WNK1: variants seen among roughly 807,000 people sequenced by gnomAD.
WNK1 encodes serine/threonine-protein kinase WNK1.
Under a neutral mutation model 222.8 loss-of-function variants are expected in WNK1, and 38 were observed. The observed-to-expected ratio is 0.17, with a 90% CI of 0.13 to 0.22. The LOEUF (loss-of-function observed/expected upper bound fraction) is 0.22, where lower values mean the gene tolerates loss of function less well. Ranked by LOEUF, WNK1 falls within the 10% of genes least tolerant of loss-of-function variation. The pLI is 1.00. For synonymous variants in WNK1, 1,090 were observed against 1,092.9 expected (o/e 1.00, Z 0.05); for missense variants, 2,348 against 2,918.4 (o/e 0.80, Z 4.50).
rs879113303 is a variant in WNK1, at chr12:911,171, TTTAAA to T, written c.*2383_*2387del. 1.2e-4 allele frequency: 46 copies of T among 397,292 alleles called. No individual in the cohort carries two copies. Among genetic ancestry groups the T allele is most frequent in the South Asian group, 5.5e-4 (4 of 7,282 alleles). 24.6% of individuals were successfully genotyped at this position (397,292 alleles called of 1,614,324 possible). ...GGAATGAACTAGTGCTACTGAACTG[TTTAAA>T]TTATTTTTGTGTTAATAGTACACTT... On this transcript the variant is annotated 3_prime_UTR_variant, in exon 28 of 28. Coordinates refer to ENST00000315939, the MANE Select transcript of WNK1 (RefSeq NM_018979.4).
intron 21 of WNK1, among the ~76,000 whole-genome samples, chr12:889,646 A>G (rs566819551): frequency 7.2e-5 from 11 of 152,142 alleles, no homozygotes; most frequent in South Asian, 2.1e-4. Context: ...GTGAAACCCC[A>G]TCTCTAGTAA....
At chr12:897,355 T>G in intron 24 of WNK1, 124 bp from the exon 25 acceptor site, 2 of 739,030 alleles carry the variant, frequency 2.7e-6, no homozygotes, top group Non-Finnish European at 4.8e-6. Context: ...TGGTAGTACA[T>G]TTGGGGAAAA....
At chr12:774,407 T>G (rs1429163001) in intron 1 of WNK1, among the ~76,000 whole-genome samples, 3 of 152,170 alleles carry the variant, frequency 2.0e-5, no homozygotes, top group East Asian at 1.9e-4. Context: ...GGCCTGGACT[T>G]TCTCAGACAG....
intron 7 of WNK1, among the ~76,000 whole-genome samples, chr12:861,668 A>T (rs1951229119): frequency 6.6e-6 from 1 of 152,230 alleles, no homozygotes; most frequent in South Asian, 2.1e-4. Context: ...AAGCTTGGCT[A>T]CTAAAATTGA....
At chr12:867,754 TA>T in intron 8 of WNK1, 1 of 1,147,168 alleles carries the variant, frequency 8.7e-7, no homozygotes, top group Admixed American at 2.2e-5. Flanking sequence ...TTATTAATTA[TA>T]AATTTAGTGT....
At position 803,904 on chromosome 12, in the gene WNK1, G is replaced by A. The variant is rs190367759; in HGVS notation, c.760-9738G>A. Among the ~76,000 whole-genome samples, 5 of 152,266 alleles carry A rather than the reference G, an allele frequency of 3.3e-5. No homozygotes were observed. The East Asian group carries it at 9.6e-4, about 29-fold the overall frequency. On this transcript the variant is annotated intron_variant, in intron 1 of 27. Transcript: ENST00000315939. ...AGTAATATGCTAAAACCAATCCATTGAGTGAAATGACAATTGGATTAAATT... is the reference window on the plus strand; with the variant it reads ...AGTAATATGCTAAAACCAATCCATTAAGTGAAATGACAATTGGATTAAATT...
chr12:785,883 G>C (rs116650667), intron 1 of WNK1, among the ~76,000 whole-genome samples: 2 of 152,050 alleles, frequency 1.3e-5, no homozygotes, highest in African/African-American at 2.4e-5. Context: ...AAATAAATGC[G>C]GTTTGCTGAT....
At chr12:816,534 C>G (rs781207609) in intron 2 of WNK1, among the ~76,000 whole-genome samples, 1 of 152,064 alleles carries the variant, frequency 6.6e-6, no homozygotes, top group African/African-American at 2.4e-5. Flanking sequence ...GGCCTCATCC[C>G]GATTTGACCT....
At chr12:767,843 A>G (rs1941964780) in intron 1 of WNK1, among the ~76,000 whole-genome samples, 1 of 152,056 alleles carries the variant, frequency 6.6e-6, no homozygotes, top group Non-Finnish European at 1.5e-5. Context: ...CTCCCTTCCT[A>G]ATTGATAGAG....
At chr12:887,153 T>A in intron 19 of WNK1, 68 bp from the exon 20 acceptor site, 2 of 1,358,554 alleles carry the variant, frequency 1.5e-6, no homozygotes, top group South Asian at 2.3e-5. Flanking sequence ...ATTAGTTGAT[T>A]TGCTCTTCAG....
intron 1 of WNK1, among the ~76,000 whole-genome samples, chr12:772,033 A>G (rs547059257): frequency 8.8e-4 from 134 of 152,124 alleles, no homozygotes; most frequent in Admixed American, 2.0e-3. Context: ...TTTGATTTTG[A>G]CTAAATTATC....
chr12:904,487 G>A (rs1384675473), intron 26 of WNK1: 63 of 1,288,968 alleles, frequency 4.9e-5, no homozygotes, highest in Non-Finnish European at 6.3e-5. Flanking sequence ...CTTGCAACCA[G>A]CTCTGTAGTA....
intron 5 of WNK1, among the ~76,000 whole-genome samples, chr12:857,671 G>T (rs1592042416): frequency 1.3e-5 from 2 of 152,170 alleles, no homozygotes; most frequent in Admixed American, 1.3e-4. Flanking sequence ...CCGTCCTTAC[G>T]CCAGAATTGA....
At chr12:873,498 A>G (rs947408985) in intron 9 of WNK1, among the ~76,000 whole-genome samples, 4 of 152,166 alleles carry the variant, frequency 2.6e-5, no homozygotes, top group African/African-American at 9.7e-5. Flanking sequence ...TGAGCCCTCG[A>G]TATATATAGG....
rs2121040064 is a variant in WNK1 at position 754,105 on chromosome 12, G to A, written c.540G>A (p.Pro180=). 2 of 1,611,730 alleles carry A rather than the reference G, an allele frequency of 1.2e-6. No individual in the cohort carries two copies. Among genetic ancestry groups the A allele is most frequent in the Non-Finnish European group, 8.5e-7 (1 of 1,179,672 alleles). ...TGGGGAGCAAAGAGGAGCCGCCGCCGGCGAGAAGTGGCAGCGGCGGCGGCA... is the reference window on the plus strand; with the variant it reads ...TGGGGAGCAAAGAGGAGCCGCCGCCAGCGAGAAGTGGCAGCGGCGGCGGCA... The part of the protein sequence containing the change: ...SLVGSKEEPP[P]ARSGSGGGSA... Residue 180 remains proline (P), a synonymous_variant, in exon 1 of 28, where the codon CCG becomes CCA. Coordinates refer to ENST00000315939, the MANE Select transcript of WNK1 (RefSeq NM_018979.4).
At chr12:779,454 G>C (rs1943462198) in intron 1 of WNK1, among the ~76,000 whole-genome samples, 1 of 148,954 alleles carries the variant, frequency 6.7e-6, no homozygotes. Flanking sequence ...GCCCGGGCTG[G>C]AGTGCAGTGG....
chr12:769,441 A>T (rs1942198765), intron 1 of WNK1, among the ~76,000 whole-genome samples: 1 of 152,206 alleles, frequency 6.6e-6, no homozygotes, highest in Admixed American at 6.5e-5. Flanking sequence ...ACCTCAAGTG[A>T]TCTTCCCGTC....
intron 9 of WNK1, among the ~76,000 whole-genome samples, chr12:872,000 C>T (rs1952195727): frequency 6.6e-6 from 1 of 152,200 alleles, no homozygotes; most frequent in East Asian, 1.9e-4. Flanking sequence ...CTTCATTGTG[C>T]TTGCCTCTAC....
intron 8 of WNK1, among the ~76,000 whole-genome samples, chr12:862,531 A>G (rs1391462579): frequency 1.3e-5 from 2 of 152,240 alleles, no homozygotes; most frequent in African/African-American, 4.8e-5. Flanking sequence ...TTTAGCACTT[A>G]AGATGTTGAA....
Sources: allele counts gnomAD v4.1 joint callset (sites outside exome capture counted in the v4.1 genomes callset), GRCh38; gene constraint gnomAD v4.1.1; transcripts MANE v1.5; gene names NCBI Gene and HGNC (gene_info 2026-07-23, HGNC 2026-07-21).